The following SPATA16 variants were observed in gnomAD, a reference collection of about 807,000 sequenced individuals.
SPATA16 encodes the protein spermatogenesis-associated protein 16.
Under a neutral mutation model 63.3 loss-of-function variants are expected in SPATA16, and 36 were observed. That is an observed-to-expected ratio of 0.57 (90% CI 0.44 to 0.75). SPATA16 has a LOEUF of 0.75. Among genes scored for constraint, SPATA16 ranks in the 30% least tolerant of loss-of-function variants. The pLI is 0.00. For synonymous variants in SPATA16, 203 were observed against 216.7 expected (o/e 0.94, Z 0.56); for missense variants, 646 against 679.3 (o/e 0.95, Z 0.54).
chr3:173,064,272 C>T (rs187285484), intron 2 of SPATA16, among the ~76,000 whole-genome samples: 6 of 146,600 alleles, frequency 4.1e-5, no homozygotes, highest in Admixed American at 3.4e-4. Context: ...CACACCACTG[C>T]ACTCCAGCCT....
chr3:172,924,021 A>G (rs1469828424), intron 8 of SPATA16, among the ~76,000 whole-genome samples, 187 bp downstream of exon 8: 2 of 152,088 alleles, frequency 1.3e-5, no homozygotes, highest in Non-Finnish European at 2.9e-5. Flanking sequence ...GTGTAGCATT[A>G]TAGTATGTTT....
intron 1 of SPATA16, among the ~76,000 whole-genome samples, chr3:173,125,649 G>A (rs761389783): frequency 2.0e-5 from 3 of 152,004 alleles, no homozygotes; most frequent in African/African-American, 7.3e-5. Flanking sequence ...ATATTTGTTC[G>A]CAAATAAGCC....
At chr3:173,123,443 T>C (rs1186820201) in intron 1 of SPATA16, among the ~76,000 whole-genome samples, 1 of 151,948 alleles carries the variant, frequency 6.6e-6, no homozygotes, top group East Asian at 1.9e-4. Context: ...ATTTGTACTT[T>C]CCTTACTTTA....
chr3:173,116,144 G>C (rs1737894224), intron 2 of SPATA16, among the ~76,000 whole-genome samples: 1 of 152,064 alleles, frequency 6.6e-6, no homozygotes, highest in Non-Finnish European at 1.5e-5. Context: ...CTTTCACCTT[G>C]GCTTCCCAAA....
At chr3:173,071,234 G>T (rs1736667354) in intron 2 of SPATA16, among the ~76,000 whole-genome samples, 1 of 152,134 alleles carries the variant, frequency 6.6e-6, no homozygotes, top group Non-Finnish European at 1.5e-5. Context: ...TCAATAAATG[G>T]TGCTGAGAAA....
chr3:172,993,743 C>T (rs1217193985), intron 4 of SPATA16, among the ~76,000 whole-genome samples: 1 of 152,122 alleles, frequency 6.6e-6, no homozygotes, highest in Non-Finnish European at 1.5e-5. Flanking sequence ...TCTGACATTA[C>T]CTCTTTGCTT....
At chr3:173,024,607 C>T (rs968929740) in intron 3 of SPATA16, among the ~76,000 whole-genome samples, 6 of 150,582 alleles carry the variant, frequency 4.0e-5, no homozygotes, top group African/African-American at 1.2e-4. Flanking sequence ...AATAAAACTA[C>T]ATCCAGGATG....
At chr3:173,084,177 G>A (rs1736992096) in intron 2 of SPATA16, among the ~76,000 whole-genome samples, 1 of 152,072 alleles carries the variant, frequency 6.6e-6, no homozygotes. Flanking sequence ...AGCCTTGCTA[G>A]CATCTGTTGT....
intron 3 of SPATA16, among the ~76,000 whole-genome samples, chr3:173,030,124 A>G (rs570988945): frequency 6.6e-6 from 1 of 151,986 alleles, no homozygotes; most frequent in South Asian, 2.1e-4. Flanking sequence ...CTACCTGTCT[A>G]TCTATATTCT....
intron 3 of SPATA16, among the ~76,000 whole-genome samples, chr3:173,020,308 A>G (rs2108277008): frequency 6.6e-6 from 1 of 151,776 alleles, no homozygotes; most frequent in East Asian, 1.9e-4. Context: ...AAAAAAAAAA[A>G]GAGGAACTGG....
intron 3 of SPATA16, among the ~76,000 whole-genome samples, chr3:173,038,351 C>A (rs571057450): frequency 2.0e-5 from 3 of 152,152 alleles, no homozygotes; most frequent in Admixed American, 1.3e-4. Flanking sequence ...ACACAAACAT[C>A]AGTTTTACAG....
In SPATA16 at chr3:172,927,163, G is replaced by A. The variant is rs370108418; in HGVS notation, c.1082-1671C>T. Among the ~76,000 whole-genome samples the A allele has an allele frequency of 3.9e-4, 59 of 152,078 alleles. No individual in the cohort carries two copies. The East Asian group carries it at 0.011, about 29-fold the overall frequency. On this transcript the variant is annotated intron_variant, in intron 6 of 10. Transcript: ENST00000351008. ...AATATTAAAAGCCAATAAAAAGTAG[G>A]GATGTTCTGTTTGAATCCTGGCACA...
chr3:172,919,667 T>A (rs954676640), intron 8 of SPATA16, among the ~76,000 whole-genome samples: 1 of 151,980 alleles, frequency 6.6e-6, no homozygotes, highest in Non-Finnish European at 1.5e-5. Flanking sequence ...TTCATTTTAA[T>A]TTTTTTTAAT....
At chr3:173,049,965 T>C (rs530776467) in intron 2 of SPATA16, among the ~76,000 whole-genome samples, 31 of 152,222 alleles carry the variant, frequency 2.0e-4, no homozygotes, top group African/African-American at 7.5e-4. Flanking sequence ...GCCTTTTTGC[T>C]CTTTTCTACT....
chr3:172,893,145 C>A (rs560606247), intron 10 of SPATA16, among the ~76,000 whole-genome samples: 2 of 152,260 alleles, frequency 1.3e-5, no homozygotes, highest in South Asian at 4.1e-4. Context: ...TGAATTGTGT[C>A]CCCCTCTAAA....
intron 2 of SPATA16, among the ~76,000 whole-genome samples, chr3:173,095,973 G>A (rs1737340293): frequency 6.6e-6 from 1 of 151,994 alleles, no homozygotes; most frequent in South Asian, 2.1e-4. Context: ...ATAAGCTCTA[G>A]TAATAAACAA....
At chr3:173,098,396 A>G (rs80110766) in intron 2 of SPATA16, among the ~76,000 whole-genome samples, 1 of 152,326 alleles carries the variant, frequency 6.6e-6, no homozygotes, top group Non-Finnish European at 1.5e-5. Flanking sequence ...GGACAATGTC[A>G]TGCTGTAAAT....
intron 4 of SPATA16, among the ~76,000 whole-genome samples, chr3:173,018,305 G>A (rs915781324): frequency 8.4e-5 from 12 of 142,302 alleles, no homozygotes; most frequent in African/African-American, 2.9e-4. Flanking sequence ...ATGGAGTTTC[G>A]CTCTCGTTGC....
rs567068240 is a variant in SPATA16 at position 173,046,015 on chromosome 3, A to T, written c.758+2934T>A. Among the ~76,000 whole-genome samples the T allele has an allele frequency of 2.0e-5, 3 of 152,070 alleles. No homozygotes were observed. The East Asian group carries it at 5.8e-4, about 29-fold the overall frequency. ...TTTGCAATAAAAATAAAAATAAAAA[A>T]CCCTAAAGGTAGGGAATATACAAAA... On this transcript the variant is annotated intron_variant, in intron 3 of 10. Coordinates refer to ENST00000351008, the MANE Select transcript of SPATA16 (RefSeq NM_031955.6).
Sources: allele counts gnomAD v4.1 joint callset (sites outside exome capture counted in the v4.1 genomes callset), GRCh38; gene constraint gnomAD v4.1.1; transcripts MANE v1.5; gene names NCBI Gene and HGNC (gene_info 2026-07-23, HGNC 2026-07-21).